MYO5C: variants seen among roughly 807,000 people sequenced by gnomAD.
The protein encoded by MYO5C is myosin VC, also known as unconventional myosin-Vc.
In MYO5C, 194 loss-of-function variants were observed where a neutral mutation model predicts 235.7. That is an observed-to-expected ratio of 0.82 (90% CI 0.73 to 0.93). The LOEUF (loss-of-function observed/expected upper bound fraction) is 0.93. Ranked by LOEUF, MYO5C falls within the 40% of genes least tolerant of loss-of-function variation. The probability of loss-of-function intolerance (pLI) is 0.00; values close to 1 mark genes in which losing one functional copy is unlikely to be tolerated. For synonymous variants in MYO5C, 707 were observed against 754.8 expected (o/e 0.94, Z 1.04); for missense variants, 2,038 against 2,127.2 (o/e 0.96, Z 0.82).
chr15:52,232,544 A>G, intron 24 of MYO5C, 78 bp downstream of exon 24: 1 of 1,383,798 alleles, frequency 7.2e-7, no homozygotes, highest in South Asian at 1.2e-5. Flanking sequence ...TGTCTGCTAT[A>G]TGCAAACTGA....
chr15:52,199,024 G>C (rs1382844143), intron 38 of MYO5C, among the ~76,000 whole-genome samples: 1 of 152,044 alleles, frequency 6.6e-6, no homozygotes, highest in African/African-American at 2.4e-5. Context: ...CTGCCGAGTA[G>C]CTGGGACTAC....
intron 18 of MYO5C, 146 bp downstream of exon 18, chr15:52,245,208 A>G (rs1193405672): frequency 2.9e-6 from 2 of 682,092 alleles, no homozygotes; most frequent in Non-Finnish European, 2.7e-6. Flanking sequence ...TGGTCTCTTC[A>G]GCAGACAAAT....
chr15:52,290,958 G>A lies in MYO5C; in HGVS notation c.27+4652C>T, dbSNP rs141025912. ...AGGTGCTGTGCTAAGGATTTTACAC[G>A]CCATTAATCCTCATAGTGACCTCCT... On this transcript the variant is annotated intron_variant, in intron 1 of 40. Transcript: ENST00000261839. 1.2e-3 allele frequency among the ~76,000 whole-genome samples: 188 copies of A among 152,196 alleles called. 1 individual carries two copies. Among genetic ancestry groups the A allele is most frequent in the African/African-American group, 4.2e-3 (176 of 41,538 alleles).
At chr15:52,211,156 A>G (rs2035433704) in intron 35 of MYO5C, among the ~76,000 whole-genome samples, 2 of 152,202 alleles carry the variant, frequency 1.3e-5, no homozygotes, top group Admixed American at 6.5e-5. Flanking sequence ...GCCACCTTCC[A>G]ACCTAGATGG....
intron 15 of MYO5C, 121 bp downstream of exon 15, chr15:52,247,337 A>G (rs1414939161): frequency 8.4e-7 from 1 of 1,186,320 alleles, no homozygotes; most frequent in East Asian, 2.3e-5. Context: ...TCCATGTTAG[A>G]TTGGAAGAGC....
chr15:52,251,599 A>G lies in MYO5C; in HGVS notation c.1537-84T>C. On this transcript the variant is annotated intron_variant, in intron 12 of 40. Transcript: ENST00000261839. The stretch of plus-strand genomic sequence containing the variant: ...GGAAAAGCACTAATTCTAAGAAACC[A>G]AGGTGATTTGGCACTTAGTGAACTG... 1.8e-6 allele frequency: 2 copies of G among 1,117,836 alleles called. 1 individual carries two copies. Among genetic ancestry groups the G allele is most frequent in the South Asian group, 4.7e-5 (2 of 42,150 alleles). The allele number at this position is 1,117,836 out of a possible 1,614,324, so 69.2% of individuals were successfully genotyped here. A position where few individuals can be genotyped will look rare whatever the true frequency, so the allele number is the denominator to read the frequency against.
rs780702086 is a variant in MYO5C at position 52,204,848 on chromosome 15, A to T, written c.4820+17T>A. On this transcript the variant is annotated intron_variant, in intron 38 of 40. Coordinates refer to ENST00000261839, the MANE Select transcript of MYO5C (RefSeq NM_018728.4). ...TCTGCAGGCCTCTCCGCGTGAGCGG[A>T]GGTTTCTGGGTTTTACCTGATCTGC... The T allele has an allele frequency of 6.2e-7, 1 of 1,610,822 alleles. No individual in the cohort carries two copies. Among genetic ancestry groups the T allele is most frequent in the Non-Finnish European group, 8.5e-7 (1 of 1,178,640 alleles).
intron 1 of MYO5C, among the ~76,000 whole-genome samples, chr15:52,288,635 G>A (rs2037324956): frequency 6.6e-6 from 1 of 152,332 alleles, no homozygotes. Context: ...CAAACTGGAG[G>A]AAGAGTTAAC....
rs766863204 is a variant in MYO5C, at chr15:52,253,435, T to A, written c.1418A>T (p.Glu473Val). ...AGGTATATCTTCCTTCATGTATTCT[T>A]CTTGTTCCAGTTTGAAGACATGCTG... ...FNMHVFKLEQ[E>V]EYMKEDIPWT... Residue 473 changes from glutamate to valine, a missense_variant, in exon 12 of 41, where the codon GAA becomes GTA. Transcript: ENST00000261839. 8 of 1,613,006 alleles carry A rather than the reference T, an allele frequency of 5.0e-6. No homozygotes were observed. Among genetic ancestry groups the A allele is most frequent in the Non-Finnish European group, 6.8e-6 (8 of 1,179,706 alleles).
chr15:52,215,767 T>C (rs1001640826), intron 32 of MYO5C, among the ~76,000 whole-genome samples: 2 of 152,222 alleles, frequency 1.3e-5, no homozygotes, highest in African/African-American at 2.4e-5. Context: ...TTTATAAAAT[T>C]GGGATCATAT....
chr15:52,194,129 C>G, intron 40 of MYO5C, 75 bp from the exon 41 acceptor site: 1 of 1,433,426 alleles, frequency 7.0e-7, no homozygotes, highest in Admixed American at 2.0e-5. Flanking sequence ...AAAGTCAAGG[C>G]AAAACACAGC....
intron 1 of MYO5C, among the ~76,000 whole-genome samples, chr15:52,283,562 T>A (rs1400847368): frequency 6.6e-6 from 1 of 152,178 alleles, no homozygotes; most frequent in Non-Finnish European, 1.5e-5. Context: ...CTGAACTGTG[T>A]GTCCCCCAAA....
intron 5 of MYO5C, 125 bp downstream of exon 5, chr15:52,275,437 T>G: frequency 5.0e-6 from 6 of 1,209,614 alleles, no homozygotes; most frequent in Non-Finnish European, 7.0e-6. Flanking sequence ...GCTTCCCGGG[T>G]CTTTCCTGCC....
intron 12 of MYO5C, among the ~76,000 whole-genome samples, chr15:52,251,787 C>G (rs974436949): frequency 6.6e-6 from 1 of 152,000 alleles, no homozygotes; most frequent in African/African-American, 2.4e-5. Context: ...GCCTCAGTCT[C>G]CTAAGTAGCT....
chr15:52,224,224 G>A (rs772236996), intron 28 of MYO5C, among the ~76,000 whole-genome samples: 8 of 152,102 alleles, frequency 5.3e-5, no homozygotes, highest in East Asian at 3.8e-4. Flanking sequence ...TGGAGGTTGC[G>A]GTGAGCCAAG....
intron 33 of MYO5C, 200 bp from the exon 34 acceptor site, chr15:52,213,486 C>T: frequency 2.1e-6 from 1 of 476,404 alleles, no homozygotes; most frequent in Non-Finnish European, 3.8e-6. Flanking sequence ...TCAGTGAGTA[C>T]AGCTGCTGCT....
intron 12 of MYO5C, among the ~76,000 whole-genome samples, chr15:52,252,832 T>G (rs1046815590): frequency 3.9e-5 from 6 of 152,086 alleles, no homozygotes; most frequent in African/African-American, 1.4e-4. Flanking sequence ...TTGGGATTAT[T>G]TGTTCTTGTG....
intron 7 of MYO5C, among the ~76,000 whole-genome samples, chr15:52,271,290 G>A (rs551979122): frequency 4.0e-5 from 6 of 151,492 alleles, no homozygotes; most frequent in East Asian, 1.9e-4. Context: ...GTGCAGTGGC[G>A]TGATCTCGGC....
Position 52,204,851 on chromosome 15 carries a change from T to C in MYO5C, c.4820+14A>G. ...GCAGGCCTCTCCGCGTGAGCGGAGG[T>C]TTCTGGGTTTTACCTGATCTGCATC... On this transcript the variant is annotated intron_variant, in intron 38 of 40. Coordinates refer to ENST00000261839, the MANE Select transcript of MYO5C (RefSeq NM_018728.4). The C allele has an allele frequency of 6.2e-7, 1 of 1,611,022 alleles. No individual in the cohort carries two copies. The highest frequency in any genetic ancestry group is 2.2e-5 in the East Asian group (1 of 44,814).
Sources: allele counts gnomAD v4.1 joint callset (sites outside exome capture counted in the v4.1 genomes callset), GRCh38; gene constraint gnomAD v4.1.1; transcripts MANE v1.5; gene names NCBI Gene and HGNC (gene_info 2026-07-23, HGNC 2026-07-21).